FCRLB: variants seen among roughly 807,000 people sequenced by gnomAD.
FCRLB encodes Fc receptor like B.
Under a neutral mutation model 33.6 loss-of-function variants are expected in FCRLB, and 34 were observed. That is an observed-to-expected ratio of 1.01 (90% CI 0.77 to 1.35). The LOEUF (loss-of-function observed/expected upper bound fraction) is 1.35. Ranked by LOEUF, FCRLB falls within the 40% of genes most tolerant of loss-of-function variation. The pLI is 0.00. For missense variants in FCRLB, 560 were observed against 580.2 expected (o/e 0.97, Z 0.36); for synonymous variants, 280 against 255.9 (o/e 1.09, Z -0.90).
In FCRLB at chr1:161,726,274, G is replaced by A; in HGVS notation, c.574+187G>A. On this transcript the variant is annotated intron_variant, in intron 6 of 7. Transcript: ENST00000367948. This position sits in a 1 kb window ranked among gnomAD's most constrained non-coding sequence, Gnocchi z 5.2. ...CGCTTGATCCGCCGCCTGCTTGGAG[G>A]CTGGTCCCTTTCCCCGACGCACATC... The A allele has an allele frequency of 9.5e-7, 1 of 1,049,986 alleles. No individual in the cohort carries two copies. Among genetic ancestry groups the A allele is most frequent in the Non-Finnish European group, 1.4e-6 (1 of 702,854 alleles). 65.0% of individuals were successfully genotyped at this position (1,049,986 alleles called of 1,614,324 possible). A position where few individuals can be genotyped will look rare whatever the true frequency, so the allele number is the denominator to read the frequency against.
At chr1:161,723,317 C>A in intron 4 of FCRLB, 50 bp from the exon 5 acceptor site, 1 of 1,596,872 alleles carries the variant, frequency 6.3e-7, no homozygotes, top group Non-Finnish European at 8.5e-7. Flanking sequence ...GGGCACCTCA[C>A]CTTGATTCTC....
chr1:161,726,103 G>C lies in FCRLB; in HGVS notation c.574+16G>C, dbSNP rs775125042. On this transcript the variant is annotated intron_variant, in intron 6 of 7. Coordinates refer to ENST00000367948, the Ensembl canonical transcript of FCRLB. The surrounding 1 kb of genome is among the most constrained non-coding windows in gnomAD (Gnocchi z 5.2). ...ACAGTGCAAGGTGGGAGAGACCAGGGGCCCCGGGAGGGAGGCAAATGAGCA... is the reference window on the plus strand; with the variant it reads ...ACAGTGCAAGGTGGGAGAGACCAGGCGCCCCGGGAGGGAGGCAAATGAGCA... The C allele has an allele frequency of 6.2e-7, 1 of 1,605,320 alleles. No homozygotes were observed. The highest frequency in any genetic ancestry group is 2.2e-5 in the East Asian group (1 of 44,692).
At position 161,726,006 on chromosome 1, in the gene FCRLB, C is replaced by G. The variant is rs771585082; in HGVS notation, c.493C>G (p.Arg165Gly). Residue 165 changes from arginine (R) to glycine (G), a missense_variant, in exon 6 of 8, where the codon CGC (arginine) becomes GGC (glycine). Coordinates refer to ENST00000367948, the Ensembl canonical transcript of FCRLB. This position sits in a 1 kb window ranked among gnomAD's most constrained non-coding sequence, Gnocchi z 5.2. The stretch of plus-strand genomic sequence containing the variant: ...ACAGGCGCGTGCCAGCGACAGCGGG[C>G]GCTACCAGTGCTCGGGCACCATGCG... 3.1e-6 allele frequency: 5 copies of G among 1,614,132 alleles called. No individual in the cohort carries two copies. Among genetic ancestry groups the G allele is most frequent in the Non-Finnish European group, 4.2e-6 (5 of 1,180,002 alleles).
rs1214952581 is a variant in FCRLB, at chr1:161,725,847, G to T, written c.334G>T (p.Ala112Ser). The change falls in exon 6 of 8, where the codon GCG becomes TCG. Residue 112 changes from alanine to serine, a missense_variant. By Grantham distance (99) the Ala-to-Ser change is moderately conservative. Coordinates refer to ENST00000367948, the Ensembl canonical transcript of FCRLB. ...TTGGCTGATTCTGCAAGTGCCCTAT[G>T]CGCCAGTGTTCGAGGGTGAGCCGCT... is the stretch of plus-strand genomic sequence containing the variant. 1.9e-6 allele frequency: 3 copies of T among 1,612,948 alleles called. No homozygotes were observed. The Admixed American group carries it at 5.0e-5, about 27-fold the overall frequency.
At chr1:161,725,617 G>C (rs1158790890) in intron 5 of FCRLB, among the ~76,000 whole-genome samples, 1 of 151,992 alleles carries the variant, frequency 6.6e-6, no homozygotes, top group South Asian at 2.1e-4. Context: ...ACTGCAGCTT[G>C]GGCGACAAGA....
intron 5 of FCRLB, among the ~76,000 whole-genome samples, chr1:161,723,902 G>T (rs939498271): frequency 1.3e-5 from 2 of 152,204 alleles, no homozygotes; most frequent in Non-Finnish European, 2.9e-5. Context: ...AAGAGCAAAG[G>T]CTCCAAGGAC....
exon 8 of FCRLB, chr1:161,727,440 C>G (rs1432445492): frequency 5.6e-6 from 9 of 1,613,370 alleles, no homozygotes; most frequent in Non-Finnish European, 7.6e-6. Flanking sequence ...GGCCACCCGC[C>G]TGCGCTCCGC....
At position 161,725,736 on chromosome 1, in the gene FCRLB, G is replaced by A. The variant is rs1683518698; in HGVS notation, c.308-85G>A. 4 of 1,487,582 alleles carry A rather than the reference G, an allele frequency of 2.7e-6. No individual in the cohort carries two copies. The East Asian group carries it at 6.9e-5, about 26-fold the overall frequency. 92.1% of individuals were successfully genotyped at this position (1,487,582 alleles called of 1,614,324 possible). On this transcript the variant is annotated intron_variant, in intron 5 of 7. Transcript: ENST00000367948. ...GGAAGGGAGGGAGAGGAGTTAAGAG[G>A]AGAAAGCTGGAAGGCTGTGAGAGTG...
intron 5 of FCRLB, among the ~76,000 whole-genome samples, chr1:161,724,933 G>A (rs1056556679): frequency 6.6e-6 from 1 of 152,140 alleles, no homozygotes; most frequent in Non-Finnish European, 1.5e-5. Context: ...TGCAGGACAA[G>A]CAGGTGAACT....
At chr1:161,722,050 T>C (rs1272907029) in intron 2 of FCRLB, among the ~76,000 whole-genome samples, 200 bp downstream of exon 2, 2 of 152,140 alleles carry the variant, frequency 1.3e-5, no homozygotes, top group African/African-American at 2.4e-5. Context: ...AAGAAACACA[T>C]TGCATTTCTA....
intron 7 of FCRLB, 38 bp downstream of exon 7, chr1:161,727,031 C>T (rs757615361): frequency 1.4e-6 from 2 of 1,462,228 alleles, no homozygotes; most frequent in Non-Finnish European, 1.8e-6. Context: ...CCGACCCTGG[C>T]GGTCAGCCCT....
chr1:161,724,683 A>G (rs1363997317), intron 5 of FCRLB, among the ~76,000 whole-genome samples: 1 of 152,216 alleles, frequency 6.6e-6, no homozygotes, highest in African/African-American at 2.4e-5. Context: ...AGCAATAATT[A>G]TACTGAGTAC....
At chr1:161,724,062 T>C (rs960611914) in intron 5 of FCRLB, among the ~76,000 whole-genome samples, 2 of 152,190 alleles carry the variant, frequency 1.3e-5, no homozygotes, top group East Asian at 1.9e-4. Flanking sequence ...TGTGCCTCAG[T>C]GTCCACATCT....
At position 161,726,005 on chromosome 1, in the gene FCRLB, G is replaced by C. The variant is rs1364565506; in HGVS notation, c.492G>C (p.Gly164=). 1 of 1,614,188 alleles carries C rather than the reference G, an allele frequency of 6.2e-7. No individual in the cohort carries two copies. Among genetic ancestry groups the C allele is most frequent in the Admixed American group, 1.7e-5 (1 of 60,036 alleles). ...TACAGGCGCGTGCCAGCGACAGCGG[G>C]CGCTACCAGTGCTCGGGCACCATGC... Residue 164 remains glycine, a synonymous_variant, in exon 6 of 8, where the codon GGG becomes GGC. Coordinates refer to ENST00000367948, the Ensembl canonical transcript of FCRLB. The surrounding 1 kb of genome is among the most constrained non-coding windows in gnomAD (Gnocchi z 5.2).
intron 5 of FCRLB, among the ~76,000 whole-genome samples, 173 bp downstream of exon 5, chr1:161,723,794 T>C (rs1163430116): frequency 1.3e-5 from 2 of 152,168 alleles, no homozygotes; most frequent in Non-Finnish European, 2.9e-5. Flanking sequence ...ATGCGAGAGA[T>C]GCAGTAAGGC....
chr1:161,727,449 G>T (rs1323876316), exon 8 of FCRLB: 5 of 1,613,650 alleles, frequency 3.1e-6, no homozygotes, highest in Non-Finnish European at 4.2e-6. Context: ...CCTGCGCTCC[G>T]CCGACGCCCT....
intron 7 of FCRLB, 26 bp from the exon 8 acceptor site, chr1:161,727,221 C>G: frequency 1.9e-6 from 3 of 1,558,232 alleles, no homozygotes; most frequent in Non-Finnish European, 2.6e-6. Context: ...GCAAGCCGCG[C>G]GTGACTGGGC....
In FCRLB at chr1:161,726,018, TCGGGCACCATGCGCATCCC is replaced by T. The variant is rs946666007; in HGVS notation, c.506_524del (p.Ser169TrpfsTer14). 6.2e-7 allele frequency: 1 copy of T among 1,614,004 alleles called. No individual in the cohort carries two copies. The highest frequency in any genetic ancestry group is 1.3e-5 in the African/African-American group (1 of 75,062). On this transcript the variant is annotated frameshift_variant, in exon 6 of 8. Coordinates refer to ENST00000367948, the Ensembl canonical transcript of FCRLB. LOFTEE classifies it high-confidence loss of function. The surrounding 1 kb of genome is among the most constrained non-coding windows in gnomAD (Gnocchi z 5.2). ...CAGCGACAGCGGGCGCTACCAGTGC[TCGGGCACCATGCGCATCCC>T]GGTGGAGAGCGCGCCCATGTTCTCC...
exon 8 of FCRLB, chr1:161,727,669 G>A (rs373527568): frequency 3.8e-6 from 6 of 1,583,102 alleles, no homozygotes; most frequent in Non-Finnish European, 5.2e-6. Context: ...CTGAGGGGGC[G>A]GCTACCGTCC....
Sources: allele counts gnomAD v4.1 joint callset (sites outside exome capture counted in the v4.1 genomes callset), GRCh38; gene constraint gnomAD v4.1.1; non-coding constraint Gnocchi (gnomAD v3.1); transcripts MANE v1.5; gene names NCBI Gene and HGNC (gene_info 2026-07-23, HGNC 2026-07-21).